ADAMTS17: variants seen among roughly 807,000 people sequenced by gnomAD.
ADAMTS17 encodes the protein A disintegrin and metalloproteinase with thrombospondin motifs 17.
Under a neutral mutation model 141.5 loss-of-function variants are expected in ADAMTS17, and 113 were observed. The observed-to-expected ratio is 0.80, with a 90% CI of 0.69 to 0.93. The LOEUF (loss-of-function observed/expected upper bound fraction) is 0.93, where lower values mean the gene tolerates loss of function less well. Ranked by LOEUF, ADAMTS17 falls within the 40% of genes least tolerant of loss-of-function variation. The probability of loss-of-function intolerance (pLI) is 0.00; values close to 1 mark genes in which losing one functional copy is unlikely to be tolerated. For missense variants in ADAMTS17, 1,659 were observed against 1,517.9 expected, an observed-to-expected ratio of 1.09 and a Z score of -1.54; for synonymous variants, 768 against 630.6, an observed-to-expected ratio of 1.22 and a Z score of -3.27.
At chr15:100,317,476 C>T (rs886693378) in intron 3 of ADAMTS17, among the ~76,000 whole-genome samples, 14 of 152,134 alleles carry the variant, frequency 9.2e-5, no homozygotes, top group Non-Finnish European at 1.9e-4. Context: ...CTGCTTGACC[C>T]TCTGTTCTTC....
At chr15:100,324,188 C>G (rs1567537896) in intron 3 of ADAMTS17, among the ~76,000 whole-genome samples, 1 of 152,030 alleles carries the variant, frequency 6.6e-6, no homozygotes, top group African/African-American at 2.4e-5. Context: ...ACCTGTGGTC[C>G]CAGCTACTTG....
chr15:100,004,596 T>G (rs2060999063), intron 18 of ADAMTS17, among the ~76,000 whole-genome samples: 1 of 151,778 alleles, frequency 6.6e-6, no homozygotes, highest in South Asian at 2.1e-4. Context: ...CTGCTCTTCT[T>G]AAAAGCATGA....
intron 18 of ADAMTS17, among the ~76,000 whole-genome samples, chr15:100,032,973 T>G (rs1251422001): frequency 2.0e-5 from 3 of 152,222 alleles, no homozygotes; most frequent in Non-Finnish European, 4.4e-5. Flanking sequence ...TTCTGTACTT[T>G]ACGTCTTAGC....
At chr15:100,327,081 C>T (rs1162378371) in intron 3 of ADAMTS17, among the ~76,000 whole-genome samples, 1 of 152,132 alleles carries the variant, frequency 6.6e-6, no homozygotes, top group Non-Finnish European at 1.5e-5. Context: ...AAACTCAGAC[C>T]TTGGCGATGA....
chr15:100,309,281 CGAGG>C (rs1567519064), intron 3 of ADAMTS17, among the ~76,000 whole-genome samples: 1 of 152,158 alleles, frequency 6.6e-6, no homozygotes, highest in Non-Finnish European at 1.5e-5. Context: ...GAGGATCGCT[CGAGG>C]AAGGTCGAGG....
intron 7 of ADAMTS17, among the ~76,000 whole-genome samples, chr15:100,201,120 G>A (rs1158455299): frequency 6.6e-6 from 1 of 152,246 alleles, no homozygotes; most frequent in Non-Finnish European, 1.5e-5. Flanking sequence ...AACTGGTGCA[G>A]AGTTCAGCCA....
At chr15:100,287,339 G>A (rs983559769) in intron 3 of ADAMTS17, among the ~76,000 whole-genome samples, 4 of 152,056 alleles carry the variant, frequency 2.6e-5, no homozygotes, top group African/African-American at 9.7e-5. Flanking sequence ...AGGCAGACAA[G>A]CTAAAGAAAA....
chr15:100,140,570 G>A (rs1200435212), intron 10 of ADAMTS17, among the ~76,000 whole-genome samples: 1 of 150,230 alleles, frequency 6.7e-6, no homozygotes. Context: ...ACCAGTGCCT[G>A]GCAAGCTAAG....
intron 2 of ADAMTS17, among the ~76,000 whole-genome samples, chr15:100,332,502 A>T (rs889120916): frequency 6.6e-6 from 1 of 152,196 alleles, no homozygotes; most frequent in Non-Finnish European, 1.5e-5. Flanking sequence ...TCATTTGGAA[A>T]CACCCTGGCT....
chr15:100,053,962 CATAGCGAACAGTTGTGCCTG>C lies in ADAMTS17; in HGVS notation c.2210_2229del (p.Ala737GlyfsTer36). The C allele has an allele frequency of 1.9e-6, 3 of 1,614,222 alleles. No individual in the cohort carries two copies. The highest frequency in any genetic ancestry group is 2.5e-6 in the Non-Finnish European group (3 of 1,180,044). ...ATCTTCTCCCACAGCCCCCTTCTCA[CATAGCGAACAGTTGTGCCTG>C]CAATCTGGAACTCTCCGGGGAGCTC... On this transcript the variant is annotated frameshift_variant, in exon 16 of 22. Transcript: ENST00000268070. LOFTEE classifies it high-confidence loss of function.
chr15:100,106,630 C>G (rs1172737561), intron 14 of ADAMTS17, among the ~76,000 whole-genome samples: 2 of 152,140 alleles, frequency 1.3e-5, no homozygotes, highest in Non-Finnish European at 2.9e-5. Context: ...GAAATGCCTC[C>G]CCATTGGCAA....
chr15:100,236,157 G>C (rs2042646676), intron 7 of ADAMTS17, among the ~76,000 whole-genome samples: 1 of 151,978 alleles, frequency 6.6e-6, no homozygotes, highest in African/African-American at 2.4e-5. Context: ...AAGTAACTCG[G>C]AAATTTCCAT....
chr15:99,976,617 G>A, intron 20 of ADAMTS17: 1 of 356,372 alleles, frequency 2.8e-6, no homozygotes, highest in Non-Finnish European at 5.4e-6. Flanking sequence ...AGGTGAGTAG[G>A]GTTAGATGTC....
At chr15:100,111,421 T>G (rs1489197023) in intron 13 of ADAMTS17, among the ~76,000 whole-genome samples, 1 of 152,206 alleles carries the variant, frequency 6.6e-6, no homozygotes, top group Non-Finnish European at 1.5e-5. Flanking sequence ...GAAGGAGAAC[T>G]CTGGAAGATG....
intron 6 of ADAMTS17, among the ~76,000 whole-genome samples, chr15:100,260,701 G>A (rs2043487880): frequency 6.6e-6 from 1 of 151,816 alleles, no homozygotes; most frequent in East Asian, 1.9e-4. Context: ...CTAAAGATAC[G>A]ATAAAGTTCT....
intron 14 of ADAMTS17, among the ~76,000 whole-genome samples, chr15:100,099,241 A>T (rs1254421266): frequency 6.6e-6 from 1 of 152,218 alleles, no homozygotes; most frequent in Non-Finnish European, 1.5e-5. Flanking sequence ...GGCTGTCTGC[A>T]TCTGGAGACA....
intron 3 of ADAMTS17, among the ~76,000 whole-genome samples, chr15:100,308,048 C>A (rs559156664): frequency 6.6e-6 from 1 of 152,214 alleles, no homozygotes; most frequent in African/African-American, 2.4e-5. Flanking sequence ...TCCTTTAAAA[C>A]GGTAAGCTCA....
chr15:100,139,160 A>G (rs1378542045), intron 10 of ADAMTS17, among the ~76,000 whole-genome samples: 2 of 152,202 alleles, frequency 1.3e-5, no homozygotes, highest in Non-Finnish European at 2.9e-5. Context: ...TTTGTTAAAC[A>G]ATACAAGAAA....
At chr15:100,003,309 A>T (rs966152381) in intron 18 of ADAMTS17, among the ~76,000 whole-genome samples, 1 of 152,048 alleles carries the variant, frequency 6.6e-6, no homozygotes. Context: ...CACAGGAGCC[A>T]CATAACCAGC....
Sources: gnomAD v4.1 joint callset for allele counts (sites outside exome capture counted in the v4.1 genomes callset) on GRCh38, gnomAD v4.1.1 for gene constraint, MANE v1.5 for transcripts, NCBI Gene and HGNC (gene_info 2026-07-23, HGNC 2026-07-21) for gene names.